FHIT: variants seen among roughly 807,000 people sequenced by gnomAD.
The protein encoded by FHIT is bis(5'-adenosyl)-triphosphatase.
FHIT carries 19 observed loss-of-function variants against 17.9 expected under a neutral mutation model. The ratio of observed to expected loss-of-function variants is 1.06; its 90% confidence interval spans 0.74 to 1.56. The LOEUF is 1.56. Among genes scored for constraint, FHIT ranks in the 40% most tolerant of loss-of-function variants. The probability of loss-of-function intolerance (pLI) is 0.00; values close to 1 mark genes in which losing one functional copy is unlikely to be tolerated. For missense variants in FHIT, 248 were observed against 189.2 expected (o/e 1.31, Z -1.82); for synonymous variants, 81 against 69.7 (o/e 1.16, Z -0.81).
intron 8 of FHIT, among the ~76,000 whole-genome samples, chr3:59,834,921 C>T (rs1169863437): frequency 6.6e-6 from 1 of 152,166 alleles, no homozygotes; most frequent in Non-Finnish European, 1.5e-5. Context: ...GAATTTTCAA[C>T]ACATTCCCAA....
chr3:60,869,922 G>A (rs7629955), intron 3 of FHIT, among the ~76,000 whole-genome samples: 152,232 of 152,234 alleles, frequency 1, 76,115 homozygotes, highest in Non-Finnish European at 1. Flanking sequence ...GGGGCCCTCA[G>A]TACCCTGCTT....
At chr3:59,983,691 C>G (rs1055156790) in intron 7 of FHIT, among the ~76,000 whole-genome samples, 1 of 152,074 alleles carries the variant, frequency 6.6e-6, no homozygotes, top group Admixed American at 6.6e-5. Flanking sequence ...GCTTCATTCT[C>G]TCAGAATAAA....
chr3:60,529,180 T>C (rs555778764), intron 5 of FHIT, among the ~76,000 whole-genome samples: 2 of 152,178 alleles, frequency 1.3e-5, no homozygotes, highest in Non-Finnish European at 2.9e-5. Context: ...TTTCAGTTAA[T>C]TAGTTTGAGA....
At chr3:60,324,618 G>A (rs1253577266) in intron 5 of FHIT, among the ~76,000 whole-genome samples, 6 of 149,760 alleles carry the variant, frequency 4.0e-5, no homozygotes, top group Admixed American at 6.7e-5. Context: ...TGACAATAGA[G>A]TTGTGGTTGA....
intron 1 of FHIT, among the ~76,000 whole-genome samples, chr3:61,229,313 T>C (rs2040043987): frequency 6.6e-6 from 1 of 152,082 alleles, no homozygotes; most frequent in African/African-American, 2.4e-5. Context: ...GTTATGTGGG[T>C]GCAAGCCAAA....
Position 60,403,712 on chromosome 3 carries a change from A to C in FHIT, c.103+133148T>G, listed in dbSNP as rs548718217. Among the ~76,000 whole-genome samples, 94 of 152,268 alleles carry C rather than the reference A, an allele frequency of 6.2e-4. 1 individual carries two copies. The highest frequency in any genetic ancestry group is 8.5e-4 in the Non-Finnish European group (58 of 68,028). On this transcript the variant is annotated intron_variant, in intron 5 of 9. Coordinates refer to ENST00000492590, the MANE Select transcript of FHIT (RefSeq NM_002012.4). ...CAGACACACCTTGCTGGGTTTTCTC[A>C]GTCTACCAGGATTAGATCACATTTT...
chr3:59,938,715 A>T (rs1379293450), intron 7 of FHIT, among the ~76,000 whole-genome samples: 1 of 152,220 alleles, frequency 6.6e-6, no homozygotes, highest in East Asian at 1.9e-4. Flanking sequence ...AAAACCAACG[A>T]AAAAGCACAT....
chr3:60,114,001 CCAAAAAAAAAAAAAAAAA>C (rs1704811167), intron 5 of FHIT, among the ~76,000 whole-genome samples: 2 of 17,920 alleles, frequency 1.1e-4, no homozygotes, highest in Non-Finnish European at 1.5e-4. Context: ...GACCCCGTCT[CCAAAAAAAAAAAAAAAAA>C]AAAAAAAAAA....
At chr3:60,992,778 G>GAAGAAGTATATT (rs2030348470) in intron 3 of FHIT, among the ~76,000 whole-genome samples, 1 of 152,068 alleles carries the variant, frequency 6.6e-6, no homozygotes, top group Non-Finnish European at 1.5e-5. Flanking sequence ...CTTCTTTTTT[G>GAAGAAGTATATT]TTTTAGAAAT....
At chr3:60,741,793 G>T (rs1330422199) in intron 4 of FHIT, among the ~76,000 whole-genome samples, 4 of 152,194 alleles carry the variant, frequency 2.6e-5, no homozygotes, top group Admixed American at 6.5e-5. Flanking sequence ...ACCAGAAAAA[G>T]CAACCATTGA....
intron 4 of FHIT, chr3:60,596,212 T>C (rs2038266029): frequency 1.1e-5 from 2 of 176,790 alleles, no homozygotes; most frequent in Admixed American, 1.3e-4. Flanking sequence ...GTCTCCACTA[T>C]CTCCTCAGTC....
At chr3:60,165,283 A>T (rs1171874816) in intron 5 of FHIT, among the ~76,000 whole-genome samples, 1 of 152,218 alleles carries the variant, frequency 6.6e-6, no homozygotes, top group Non-Finnish European at 1.5e-5. Flanking sequence ...CTGCCCAAGC[A>T]TTCACCCTGT....
At chr3:60,732,531 A>G in intron 4 of FHIT, 3 of 656,964 alleles carry the variant, frequency 4.6e-6, no homozygotes, top group East Asian at 3.4e-5. Flanking sequence ...AGAGCACGAA[A>G]GTTTTCTGCT....
chr3:59,785,660 A>C (rs953833842), intron 8 of FHIT, among the ~76,000 whole-genome samples: 3 of 152,214 alleles, frequency 2.0e-5, no homozygotes, highest in Non-Finnish European at 4.4e-5. Flanking sequence ...GTAGAAAAAG[A>C]AAGTTTACTT....
At chr3:61,123,052 A>AT (rs1198688336) in intron 2 of FHIT, among the ~76,000 whole-genome samples, 1 of 148 alleles carries the variant, frequency 6.8e-3, no homozygotes, top group Non-Finnish European at 0.014. Context: ...ACATATGCAC[A>AT]TGTATGTTCA....
intron 4 of FHIT, among the ~76,000 whole-genome samples, chr3:60,665,651 A>T (rs1486379380): frequency 6.6e-6 from 1 of 151,912 alleles, no homozygotes; most frequent in Admixed American, 6.6e-5. Context: ...TTTACTTTCA[A>T]CTTAACTAAT....
intron 5 of FHIT, among the ~76,000 whole-genome samples, chr3:60,270,876 T>C (rs1706825723): frequency 1.3e-5 from 2 of 152,162 alleles, no homozygotes; most frequent in South Asian, 2.1e-4. Flanking sequence ...TAAAACACAG[T>C]GCACAGCAGA....
intron 4 of FHIT, among the ~76,000 whole-genome samples, chr3:60,766,295 T>C (rs1250402114): frequency 6.6e-6 from 1 of 152,158 alleles, no homozygotes; most frequent in Non-Finnish European, 1.5e-5. Flanking sequence ...AAATTCTTCA[T>C]GTGGTTGGCA....
chr3:60,026,561 G>A (rs1700747917), intron 5 of FHIT, among the ~76,000 whole-genome samples: 1 of 152,026 alleles, frequency 6.6e-6, no homozygotes, highest in African/African-American at 2.4e-5. Flanking sequence ...AGCATCACTG[G>A]TAGCAGAGTC....
Sources: allele counts gnomAD v4.1 joint callset (sites outside exome capture counted in the v4.1 genomes callset), GRCh38; gene constraint gnomAD v4.1.1; transcripts MANE v1.5; gene names NCBI Gene and HGNC (gene_info 2026-07-23, HGNC 2026-07-21).